TASOR2: variants seen among roughly 807,000 people sequenced by gnomAD.
TASOR2 encodes the protein protein TASOR 2.
In TASOR2, 84 loss-of-function variants were observed where a neutral mutation model predicts 199.5. The ratio of observed to expected loss-of-function variants is 0.42; its 90% CI spans 0.35 to 0.50. The LOEUF (loss-of-function observed/expected upper bound fraction) is 0.50, where lower values mean the gene tolerates loss of function less well. Among genes scored for constraint, TASOR2 ranks in the 20% least tolerant of loss-of-function variants. The probability of loss-of-function intolerance (pLI) is 0.02; values close to 1 mark genes in which losing one functional copy is unlikely to be tolerated. For missense variants in TASOR2, 2,796 were observed against 2,835.9 expected (o/e 0.99, Z 0.32); for synonymous variants, 1,103 against 1,046.6 (o/e 1.05, Z -1.04).
At chr10:5,724,483 C>A in exon 8 of TASOR2, 1 of 1,531,068 alleles carries the variant, frequency 6.5e-7, no homozygotes, top group South Asian at 1.3e-5. Flanking sequence ...GTCAAACAGA[C>A]AAGGGGAAAA....
rs1446201456 is a variant in TASOR2 at position 5,730,012 on chromosome 10, A to G, written c.488-475A>G. Reference sequence around the variant, plus strand: ...GATTCCAGCATTATTTAGGGCTTCTACTTTTTTCAGTTCAGTTGACTTGCA... The same window carrying G: ...GATTCCAGCATTATTTAGGGCTTCTGCTTTTTTCAGTTCAGTTGACTTGCA... On this transcript the variant is annotated intron_variant, in intron 10 of 20. Coordinates refer to ENST00000328090, the Ensembl canonical transcript of TASOR2. The surrounding 1 kb of genome is among the most constrained non-coding windows in gnomAD (Gnocchi z 4.1). Among the ~76,000 whole-genome samples the G allele has an allele frequency of 5.3e-5, 8 of 152,242 alleles. No individual in the cohort carries two copies. Among genetic ancestry groups the G allele is most frequent in the Non-Finnish European group, 8.8e-5 (6 of 68,044 alleles).
chr10:5,685,187 C>A lies in TASOR2; in HGVS notation c.-288+12C>A. 2.5e-6 allele frequency: 1 copy of A among 397,972 alleles called. No homozygotes were observed. Among genetic ancestry groups the A allele is most frequent in the Non-Finnish European group, 4.4e-6 (1 of 225,536 alleles). The allele number at this position is 397,972 out of a possible 1,614,324, so 24.7% of individuals were successfully genotyped here. A position where few individuals can be genotyped will look rare whatever the true frequency, so the allele number is the denominator to read the frequency against. On this transcript the variant is annotated intron_variant, in intron 1 of 20. Coordinates refer to ENST00000328090, the Ensembl canonical transcript of TASOR2. This position sits in a 1 kb window ranked among gnomAD's most constrained non-coding sequence, Gnocchi z 5.4. ...CACGCCAAGGACGGGTAAGTCCCTC[C>A]TCGGCCTGGGCGCCCGGGAACCCTG...
intron 12 of TASOR2, among the ~76,000 whole-genome samples, chr10:5,735,854 G>A (rs2131603751): frequency 6.6e-6 from 1 of 152,284 alleles, no homozygotes; most frequent in South Asian, 2.1e-4. Context: ...GAAGCAAGTA[G>A]TATCTGGCAT....
At chr10:5,761,639 T>TTACCTGCAAATACTAC in intron 19 of TASOR2, 168 bp downstream of exon 20, 1 of 611,378 alleles carries the variant, frequency 1.6e-6, no homozygotes, top group Non-Finnish European at 2.9e-6. Context: ...TAAAATGTAG[T>TTACCTGCAAATACTAC]ATTTGCAGGT....
At position 5,752,353 on chromosome 10, in the gene TASOR2, G is replaced by A. The variant is rs1398122975; in HGVS notation, c.6606+2326G>A. 6.6e-6 allele frequency among the ~76,000 whole-genome samples: 1 copy of A among 152,214 alleles called. No homozygotes were observed. Among genetic ancestry groups the A allele is most frequent in the African/African-American group, 2.4e-5 (1 of 41,466 alleles). ...CCTGGCCGGGGAGGTCTTTGCTCAG[G>A]AAGTGCTGCAGCACAGAAAGCAGAG... is the stretch of plus-strand genomic sequence containing the variant. On this transcript the variant is annotated intron_variant, in intron 15 of 20. Coordinates refer to ENST00000328090, the Ensembl canonical transcript of TASOR2. This position sits in a 1 kb window ranked among gnomAD's most constrained non-coding sequence, Gnocchi z 4.4.
Position 5,720,556 on chromosome 10 carries a change from G to T in TASOR2, c.-87G>T, listed in dbSNP as rs556302003. 2.5e-6 allele frequency: 4 copies of T among 1,601,344 alleles called. No individual in the cohort carries two copies. The Admixed American group carries it at 5.1e-5, about 21-fold the overall frequency. On this transcript the variant is annotated 5_prime_UTR_variant, in exon 4 of 21. Coordinates refer to ENST00000328090, the Ensembl canonical transcript of TASOR2. This position sits in a 1 kb window ranked among gnomAD's most constrained non-coding sequence, Gnocchi z 5.3. The stretch of plus-strand genomic sequence containing the variant: ...TTTCCTCTTTCAGTATTACTTTTAC[G>T]AACTTTCAGGCAACACCGTTATTGA...
intron 2 of TASOR2, 27 bp from the exon 3 acceptor site, chr10:5,714,108 T>C (rs1832292579): frequency 8.3e-7 from 1 of 1,201,224 alleles, no homozygotes; most frequent in Non-Finnish European, 1.0e-6. Flanking sequence ...CTTCAAAGAC[T>C]GAAGCAAAGT....
exon 21 of TASOR2, chr10:5,763,173 A>AT (rs1332295873): frequency 1.4e-5 from 11 of 780,980 alleles, no homozygotes; most frequent in Non-Finnish European, 2.2e-5. Context: ...GAAAGTTTTC[A>AT]TTTTTTATAT....
Position 5,748,481 on chromosome 10 carries a change from C to G in TASOR2, c.5060C>G (p.Ala1687Gly). ...GTGTTTCAAGCACAGGAAATACCAG[C>G]AGGCAGAATGGCCAGTTTGCTTAAG... Residue 1687 changes from alanine (A) to glycine (G), a missense_variant, in exon 15 of 21, where the codon GCA becomes GGA. Coordinates refer to ENST00000328090, the Ensembl canonical transcript of TASOR2. This position sits in a 1 kb window ranked among gnomAD's most constrained non-coding sequence, Gnocchi z 5.1. 1 of 1,614,104 alleles carries G rather than the reference C, an allele frequency of 6.2e-7. No homozygotes were observed. Among genetic ancestry groups the G allele is most frequent in the Non-Finnish European group, 8.5e-7 (1 of 1,180,040 alleles).
In TASOR2 at chr10:5,701,330, G is replaced by A. The variant is rs1216219746; in HGVS notation, c.-287-11493G>A. ...CTGGGTTCCCTGTTCTGTTCCTTTGGTCTGTGTTTTGTTTTTATGCCAGTG... is the reference window on the plus strand; with the variant it reads ...CTGGGTTCCCTGTTCTGTTCCTTTGATCTGTGTTTTGTTTTTATGCCAGTG... On this transcript the variant is annotated intron_variant, in intron 1 of 20. Coordinates refer to ENST00000328090, the Ensembl canonical transcript of TASOR2. The surrounding 1 kb of genome is among the most constrained non-coding windows in gnomAD (Gnocchi z 4.9). Among the ~76,000 whole-genome samples, 7 of 152,020 alleles carry A rather than the reference G, an allele frequency of 4.6e-5. No homozygotes were observed. Among genetic ancestry groups the A allele is most frequent in the Admixed American group, 3.3e-4 (5 of 15,250 alleles).
chr10:5,756,698 T>G, exon 16 of TASOR2: 1 of 1,613,444 alleles, frequency 6.2e-7, no homozygotes, highest in Non-Finnish European at 8.5e-7. Flanking sequence ...ACACTAATCA[T>G]CATCATCAGA....
exon 17 of TASOR2, chr10:5,757,646 G>A: frequency 6.2e-7 from 1 of 1,613,654 alleles, no homozygotes. Flanking sequence ...GATATCAGAT[G>A]ACAAGATACT....
rs1445775124 is a variant in TASOR2, at chr10:5,730,343, A to T, written c.488-144A>T. 5 of 605,926 alleles carry T rather than the reference A, an allele frequency of 8.3e-6. No individual in the cohort carries two copies. The African/African-American group carries it at 9.2e-5, about 11-fold the overall frequency. 37.5% of individuals were successfully genotyped at this position (605,926 alleles called of 1,614,324 possible). ...TGTTAAATGTACCTCTAAGTCTTCT[A>T]TTAATTGCCATTTAGGTTGTCATTT... On this transcript the variant is annotated intron_variant, in intron 10 of 20. Coordinates refer to ENST00000328090, the Ensembl canonical transcript of TASOR2. The surrounding 1 kb of genome is among the most constrained non-coding windows in gnomAD (Gnocchi z 4.1).
At position 5,719,991 on chromosome 10, in the gene TASOR2, T is replaced by G. The variant is rs1833155218; in HGVS notation, c.-99-553T>G. Among the ~76,000 whole-genome samples, 1 of 152,352 alleles carries G rather than the reference T, an allele frequency of 6.6e-6. No individual in the cohort carries two copies. The highest frequency in any genetic ancestry group is 6.5e-5 in the Admixed American group (1 of 15,300). On this transcript the variant is annotated intron_variant, in intron 3 of 20. Transcript: ENST00000328090. The surrounding 1 kb of genome is among the most constrained non-coding windows in gnomAD (Gnocchi z 4.1). ...TCTCTTAAATTTAGGGTGATTCGTA[T>G]ATTTCTTTGATATTGTGATAAAAAC...
rs1840127608 is a variant in TASOR2 at position 5,763,016 on chromosome 10, T to C, written c.7290-13T>C. On this transcript the variant is annotated splice_polypyrimidine_tract_variant and intron_variant, in intron 20 of 20. Transcript: ENST00000328090. Reference sequence around the variant, plus strand: ...ATTTTAAGAAGTTCTTTATCAATTTTGTGTTTCTTCAGGTGACTCAACTAC... The same window carrying C: ...ATTTTAAGAAGTTCTTTATCAATTTCGTGTTTCTTCAGGTGACTCAACTAC... 6.2e-7 allele frequency: 1 copy of C among 1,610,900 alleles called. No homozygotes were observed. Among genetic ancestry groups the C allele is most frequent in the Middle Eastern group, 1.6e-4 (1 of 6,076 alleles).
At position 5,730,922 on chromosome 10, in the gene TASOR2, A is replaced by C; in HGVS notation, c.923A>C (p.Glu308Ala). The change falls in exon 11 of 21, where the codon GAA becomes GCA. Residue 308 changes from glutamate to alanine, a missense_variant. Physicochemically the swap from Glu to Ala is moderately radical, Grantham distance 107. Coordinates refer to ENST00000328090, the Ensembl canonical transcript of TASOR2. This position sits in a 1 kb window ranked among gnomAD's most constrained non-coding sequence, Gnocchi z 4.1. ...TCCTTAGTTATGACTCCAGATCCTG[A>C]ATTTCTTGTCTCAGAGGCAGAAGTG... 6.2e-7 allele frequency: 1 copy of C among 1,614,202 alleles called. No homozygotes were observed. The highest frequency in any genetic ancestry group is 1.3e-5 in the African/African-American group (1 of 75,050).
chr10:5,694,151 A>G (rs570764884), intron 1 of TASOR2, among the ~76,000 whole-genome samples: 66 of 152,252 alleles, frequency 4.3e-4, no homozygotes, highest in African/African-American at 1.6e-3. Context: ...TAAAAGAGGA[A>G]AAAGCTATAA....
Position 5,699,923 on chromosome 10 carries a change from C to G in TASOR2, c.-287-12900C>G, listed in dbSNP as rs779810208. Among the ~76,000 whole-genome samples, 4 of 152,096 alleles carry G rather than the reference C, an allele frequency of 2.6e-5. No homozygotes were observed. The highest frequency in any genetic ancestry group is 5.9e-5 in the Non-Finnish European group (4 of 67,980). On this transcript the variant is annotated intron_variant, in intron 1 of 20. Coordinates refer to ENST00000328090, the Ensembl canonical transcript of TASOR2. The surrounding 1 kb of genome is among the most constrained non-coding windows in gnomAD (Gnocchi z 4.1). ...GATCAAGTCAGTGTAGTTGGGTCAT[C>G]TGTTACCTTAAATATTTCTCTTTTC...
At chr10:5,735,851 G>A (rs971142493) in intron 12 of TASOR2, among the ~76,000 whole-genome samples, 1 of 152,160 alleles carries the variant, frequency 6.6e-6, no homozygotes, top group African/African-American at 2.4e-5. Flanking sequence ...GCAGAAGCAA[G>A]TAGTATCTGG....
Sources: gnomAD v4.1 joint callset for allele counts (sites outside exome capture counted in the v4.1 genomes callset) on GRCh38, gnomAD v4.1.1 for gene constraint, Gnocchi (gnomAD v3.1) non-coding constraint, MANE v1.5 for transcripts, NCBI Gene and HGNC (gene_info 2026-07-23, HGNC 2026-07-21) for gene names.